The following TCF4 variants were observed in gnomAD, a reference collection of about 807,000 sequenced individuals.
The protein encoded by TCF4 is transcription factor 4, also known as SL3-3 enhancer factor 2.
TCF4 carries 3 observed loss-of-function variants against 82.1 expected under a neutral mutation model. That is an observed-to-expected ratio of 0.04 (90% CI 0.02 to 0.09). The LOEUF (loss-of-function observed/expected upper bound fraction) is 0.09, where lower values mean the gene tolerates loss of function less well. Ranked by LOEUF, TCF4 falls within the 10% of genes least tolerant of loss-of-function variation. The pLI, the probability that TCF4 is intolerant of heterozygous loss-of-function variation, is 1.00. For missense variants in TCF4, 518 were observed against 852.7 expected, an observed-to-expected ratio of 0.61 and a Z score of 4.89; for synonymous variants, 276 against 309.6, an observed-to-expected ratio of 0.89 and a Z score of 1.14.
At chr18:55,251,530 G>C (rs2055099546) in intron 15 of TCF4, among the ~76,000 whole-genome samples, 1 of 152,156 alleles carries the variant, frequency 6.6e-6, no homozygotes, top group South Asian at 2.1e-4. Context: ...CACCTTCCAA[G>C]TTATCAAGCC....
intron 2 of TCF4, among the ~76,000 whole-genome samples, chr18:55,597,737 A>G (rs1487597009): frequency 6.6e-6 from 1 of 152,172 alleles, no homozygotes; most frequent in Non-Finnish European, 1.5e-5. Context: ...TGGAAAACAG[A>G]TAATCTTTTG....
rs898741751 is a variant in TCF4, at chr18:55,386,825, T to C, written c.369+16629A>G. On this transcript the variant is annotated intron_variant, in intron 6 of 19. Transcript: ENST00000354452. ...ACCAGGAGGGCTCAACCCTCTGTCA[T>C]TGAGTCTCCACTGTTCCTGAGCATT... is the stretch of plus-strand genomic sequence containing the variant. 6.6e-5 allele frequency among the ~76,000 whole-genome samples: 10 copies of C among 152,186 alleles called. No individual in the cohort carries two copies. The South Asian group carries it at 1.7e-3, about 25-fold the overall frequency.
At chr18:55,620,792 G>C (rs1324379093) in intron 2 of TCF4, among the ~76,000 whole-genome samples, 1 of 137,354 alleles carries the variant, frequency 7.3e-6, no homozygotes, top group East Asian at 2.1e-4. Flanking sequence ...CATATATTTT[G>C]TCCAGTTCTT....
chr18:55,626,648 T>C (rs1383172371), intron 2 of TCF4, among the ~76,000 whole-genome samples: 1 of 152,204 alleles, frequency 6.6e-6, no homozygotes, highest in African/African-American at 2.4e-5. Context: ...TTGGTAGTGA[T>C]GACAGCTTGA....
intron 11 of TCF4, chr18:55,264,648 G>A (rs374528955): frequency 8.0e-4 from 120 of 150,832 alleles, no homozygotes; most frequent in African/African-American, 2.7e-3. Flanking sequence ...CATTAAAGCT[G>A]AAAATGTGGG....
At chr18:55,330,624 G>A (rs2077390270) in intron 8 of TCF4, among the ~76,000 whole-genome samples, 1 of 152,060 alleles carries the variant, frequency 6.6e-6, no homozygotes, top group African/African-American at 2.4e-5. Flanking sequence ...GGAGTGCAGT[G>A]GTGTGATCTT....
At chr18:55,575,376 G>A (rs1377342721) in intron 3 of TCF4, among the ~76,000 whole-genome samples, 2 of 152,144 alleles carry the variant, frequency 1.3e-5, no homozygotes, top group African/African-American at 2.4e-5. Flanking sequence ...TACAAATTGG[G>A]TTATGTATGA....
intron 6 of TCF4, among the ~76,000 whole-genome samples, chr18:55,365,545 C>T (rs2086789774): frequency 1.3e-5 from 2 of 151,982 alleles, no homozygotes; most frequent in South Asian, 4.2e-4. Flanking sequence ...CAACAATGGA[C>T]CTCAGAGCGA....
At chr18:55,250,351 G>A (rs1893589987) in intron 15 of TCF4, among the ~76,000 whole-genome samples, 1 of 152,112 alleles carries the variant, frequency 6.6e-6, no homozygotes, top group Non-Finnish European at 1.5e-5. Flanking sequence ...GCTGCTCTGG[G>A]AACCCAGCCA....
At chr18:55,386,679 T>C (rs779733838) in intron 6 of TCF4, among the ~76,000 whole-genome samples, 16 of 152,186 alleles carry the variant, frequency 1.1e-4, no homozygotes, top group Non-Finnish European at 2.1e-4. Flanking sequence ...AAGGAGGTCA[T>C]TCCAAGCAGC....
At chr18:55,258,321 A>T (rs1038565150) in intron 13 of TCF4, among the ~76,000 whole-genome samples, 1 of 152,128 alleles carries the variant, frequency 6.6e-6, no homozygotes, top group Admixed American at 6.6e-5. Context: ...TTTCTTCCTA[A>T]CATGTGGTCT....
At chr18:55,300,735 C>A (rs1287348929) in intron 8 of TCF4, among the ~76,000 whole-genome samples, 1 of 152,148 alleles carries the variant, frequency 6.6e-6, no homozygotes, top group Non-Finnish European at 1.5e-5. Flanking sequence ...ACCCTCCTCC[C>A]TCCCACCTTC....
chr18:55,519,609 T>C (rs889178558), intron 3 of TCF4, among the ~76,000 whole-genome samples: 13 of 152,146 alleles, frequency 8.5e-5, no homozygotes, highest in African/African-American at 2.4e-4. Flanking sequence ...AAAGCCTATG[T>C]AAATTCATAA....
intron 5 of TCF4, among the ~76,000 whole-genome samples, chr18:55,445,606 T>C (rs1003417881): frequency 1.3e-5 from 2 of 152,078 alleles, no homozygotes; most frequent in African/African-American, 4.8e-5. Flanking sequence ...TCCCACAATA[T>C]GTGGGGATTA....
chr18:55,492,152 T>C (rs948046741), intron 3 of TCF4: 1 of 152,114 alleles, frequency 6.6e-6, no homozygotes, highest in East Asian at 1.9e-4. Context: ...CTCAGCTTCA[T>C]AGAATCTGAG....
chr18:55,361,968 A>G (rs1356186172), intron 6 of TCF4, among the ~76,000 whole-genome samples: 1 of 152,100 alleles, frequency 6.6e-6, no homozygotes, highest in Non-Finnish European at 1.5e-5. Context: ...GAATAACCAA[A>G]CTGTGTGAAT....
chr18:55,234,713 A>T, intron 15 of TCF4, 30 bp from the exon 16 acceptor site: 1 of 1,613,794 alleles, frequency 6.2e-7, no homozygotes, highest in Non-Finnish European at 8.5e-7. Context: ...CAGAGAGGTG[A>T]GCAGGAACCG....
intron 8 of TCF4, among the ~76,000 whole-genome samples, chr18:55,304,733 A>G (rs1481603199): frequency 6.6e-6 from 1 of 152,096 alleles, no homozygotes; most frequent in Non-Finnish European, 1.5e-5. Context: ...CCCAAGACCA[A>G]AGGAAATCTT....
chr18:55,538,434 T>C (rs773737921), intron 3 of TCF4, among the ~76,000 whole-genome samples: 10 of 152,240 alleles, frequency 6.6e-5, no homozygotes, highest in African/African-American at 9.6e-5. Context: ...TCCTTACTAT[T>C]TGAATATATG....
Sources: allele counts gnomAD v4.1 joint callset (sites outside exome capture counted in the v4.1 genomes callset), GRCh38; gene constraint gnomAD v4.1.1; transcripts MANE v1.5; gene names NCBI Gene and HGNC (gene_info 2026-07-23, HGNC 2026-07-21).